YES1: variants seen among roughly 807,000 people sequenced by gnomAD.
YES1 encodes the protein tyrosine-protein kinase Yes.
A neutral mutation model predicts 70.4 loss-of-function variants in YES1; 39 were observed. The ratio of observed to expected loss-of-function variants is 0.55; its 90% CI spans 0.43 to 0.72. The LOEUF is 0.72. YES1 is among the 30% of genes least tolerant of loss of function. YES1 has a pLI of 0.00. For missense variants in YES1, 495 were observed against 644.8 expected (o/e 0.77, Z 2.52); for synonymous variants, 198 against 218.6 (o/e 0.91, Z 0.83).
At chr18:758,061 G>A (rs1904385365) in intron 1 of YES1, among the ~76,000 whole-genome samples, 1 of 151,880 alleles carries the variant, frequency 6.6e-6, no homozygotes, top group Non-Finnish European at 1.5e-5. Context: ...TCACAAATGT[G>A]AGCCACATAA....
At chr18:728,776 G>A (rs2080051527) in intron 11 of YES1, among the ~76,000 whole-genome samples, 2 of 152,122 alleles carry the variant, frequency 1.3e-5, no homozygotes, top group Admixed American at 6.6e-5. Context: ...CACTGGCCTC[G>A]ACCTCCCAAA....
intron 4 of YES1, among the ~76,000 whole-genome samples, chr18:746,643 C>G (rs1229093392): frequency 6.6e-6 from 1 of 152,124 alleles, no homozygotes; most frequent in African/African-American, 2.4e-5. Flanking sequence ...TTAATAAAAG[C>G]AAACAAACAT....
In YES1 at chr18:754,712, C is replaced by CAAAAAA. The variant is rs35530008; in HGVS notation, c.271+1839_271+1844dup. The stretch of plus-strand genomic sequence containing the variant: ...GGGTGACAGAGAGAGACTCCAACTC[C>CAAAAAA]AAAAAAAAAAAAAAAAAATCTCAGC... On this transcript the variant is annotated intron_variant, in intron 2 of 11. Transcript: ENST00000314574. Among the ~76,000 whole-genome samples, 11 of 135,308 alleles carry CAAAAAA rather than the reference C, an allele frequency of 8.1e-5. 1 individual carries two copies. In the South Asian group the frequency reaches 9.6e-4, roughly 12 times the overall value. 88.8% of individuals were successfully genotyped at this position (135,308 alleles called of 152,430 possible). A position where few individuals can be genotyped will look rare whatever the true frequency, so the allele number is the denominator to read the frequency against.
At chr18:757,365 T>A (rs573041368) in intron 1 of YES1, among the ~76,000 whole-genome samples, 2 of 151,352 alleles carry the variant, frequency 1.3e-5, no homozygotes, top group East Asian at 3.9e-4. Context: ...TAGCCGGGCG[T>A]GGTGGTGGGC....
At chr18:795,523 G>A (rs1906491962) in intron 1 of YES1, among the ~76,000 whole-genome samples, 1 of 152,118 alleles carries the variant, frequency 6.6e-6, no homozygotes, top group Non-Finnish European at 1.5e-5. Context: ...ATCAATGATA[G>A]ACTGGATAAA....
chr18:765,458 G>C (rs1860629162), intron 1 of YES1, among the ~76,000 whole-genome samples: 1 of 148,928 alleles, frequency 6.7e-6, no homozygotes, highest in Non-Finnish European at 1.5e-5. Context: ...GAGTGTAGTG[G>C]CGTGATCTTG....
chr18:730,086 C>T (rs1246713330), intron 11 of YES1, among the ~76,000 whole-genome samples: 1 of 152,166 alleles, frequency 6.6e-6, no homozygotes, highest in South Asian at 2.1e-4. Flanking sequence ...AATTTACCAG[C>T]AGATCACCTA....
chr18:752,918 G>T (rs1050860613), intron 2 of YES1, among the ~76,000 whole-genome samples: 1 of 152,092 alleles, frequency 6.6e-6, no homozygotes, highest in African/African-American at 2.4e-5. Flanking sequence ...ACTGTAGCCT[G>T]GGTGACACAG....
chr18:739,268 G>A (rs1284398788), intron 9 of YES1: 1 of 152,304 alleles, frequency 6.6e-6, no homozygotes, highest in Non-Finnish European at 1.5e-5. Flanking sequence ...TCATTAATCT[G>A]TATCATTAAG....
intron 1 of YES1, among the ~76,000 whole-genome samples, chr18:791,858 C>G (rs1906267880): frequency 6.6e-6 from 1 of 151,832 alleles, no homozygotes; most frequent in Admixed American, 6.6e-5. Flanking sequence ...AGTTTGAGAA[C>G]AGCCTGACCA....
intron 1 of YES1, among the ~76,000 whole-genome samples, chr18:787,507 C>T (rs568628692): frequency 1.3e-5 from 2 of 152,088 alleles, no homozygotes; most frequent in Admixed American, 6.5e-5. Flanking sequence ...GTCAGGAGTT[C>T]GAGACCAACC....
chr18:810,847 A>C (rs1362070426), intron 1 of YES1, among the ~76,000 whole-genome samples: 2 of 152,218 alleles, frequency 1.3e-5, no homozygotes, highest in Admixed American at 6.5e-5. Context: ...TGTACAATAT[A>C]TGAACATCGT....
At chr18:729,619 CTTTT>C (rs869223956) in intron 11 of YES1, among the ~76,000 whole-genome samples, 1 of 75,380 alleles carries the variant, frequency 1.3e-5, no homozygotes, top group Non-Finnish European at 2.3e-5. Context: ...TGATTTTGAA[CTTTT>C]TTTTTTTTTT....
intron 1 of YES1, among the ~76,000 whole-genome samples, chr18:804,913 CAAA>C (rs56748581): frequency 2.1e-5 from 2 of 94,126 alleles, no homozygotes; most frequent in Non-Finnish European, 3.8e-5. Context: ...GACTCTGACT[CAAA>C]AAAAAAAAAC....
chr18:768,744 C>A (rs956123775), intron 1 of YES1, among the ~76,000 whole-genome samples: 2 of 151,996 alleles, frequency 1.3e-5, no homozygotes. Flanking sequence ...GCTCTGTCAC[C>A]CAGCCTGGAG....
At chr18:729,655 C>T (rs1266383264) in intron 11 of YES1, among the ~76,000 whole-genome samples, 2 of 115,308 alleles carry the variant, frequency 1.7e-5, no homozygotes, top group Non-Finnish European at 3.3e-5. Context: ...GAGACAGAGT[C>T]TCGCTCTGTC....
intron 9 of YES1, among the ~76,000 whole-genome samples, chr18:737,775 A>G (rs1017807505): frequency 6.6e-6 from 1 of 152,214 alleles, no homozygotes; most frequent in Non-Finnish European, 1.5e-5. Flanking sequence ...GTTGGCGTGC[A>G]GTGGTGCAAT....
rs752105163 is a variant in YES1 at position 745,702 on chromosome 18, A to C, written c.724+6T>G. On this transcript the variant is annotated splice_donor_region_variant and intron_variant, in intron 6 of 11. Coordinates refer to ENST00000314574, the MANE Select transcript of YES1 (RefSeq NM_005433.4). ...AATAATTTTTACCTTTGAAATATTC[A>C]CATACCTGTGTAGTGTTTCACCAAT... The C allele has an allele frequency of 6.3e-7, 1 of 1,596,814 alleles. No individual in the cohort carries two copies. The highest frequency in any genetic ancestry group is 1.8e-5 in the Admixed American group (1 of 55,060).
chr18:791,953 C>T (rs982217338), intron 1 of YES1, among the ~76,000 whole-genome samples: 2 of 151,882 alleles, frequency 1.3e-5, no homozygotes, highest in Admixed American at 6.6e-5. Context: ...TACTCGAAAT[C>T]GGGTGTGTAT....
Sources: allele counts gnomAD v4.1 joint callset (sites outside exome capture counted in the v4.1 genomes callset), GRCh38; gene constraint gnomAD v4.1.1; transcripts MANE v1.5; gene names NCBI Gene and HGNC (gene_info 2026-07-23, HGNC 2026-07-21).